The following FBXO10 variants were observed in gnomAD, a reference collection of about 807,000 sequenced individuals.
FBXO10 encodes F-box only protein 10.
In FBXO10, 39 loss-of-function variants were observed where a neutral mutation model predicts 80.7. The ratio of observed to expected loss-of-function variants is 0.48; its 90% CI spans 0.37 to 0.63. FBXO10 has a LOEUF of 0.63. FBXO10 is among the 30% of genes least tolerant of loss of function. The pLI is 0.00. For synonymous variants in FBXO10, 449 were observed against 489.6 expected (o/e 0.92, Z 1.09); for missense variants, 1,025 against 1,269.0 (o/e 0.81, Z 2.92).
intron 1 of FBXO10, among the ~76,000 whole-genome samples, chr9:37,575,155 C>G (rs752513174): frequency 6.6e-6 from 1 of 151,966 alleles, no homozygotes; most frequent in Admixed American, 6.6e-5. Context: ...GGTGGCTACA[C>G]ATGCCTGGCA....
At chr9:37,531,838 T>G in intron 4 of FBXO10, 71 bp downstream of exon 4, 1 of 1,567,862 alleles carries the variant, frequency 6.4e-7, no homozygotes, top group Non-Finnish European at 8.8e-7. Flanking sequence ...GGGCAACGTG[T>G]ATTTAAATAT....
intron 1 of FBXO10, among the ~76,000 whole-genome samples, chr9:37,542,363 A>G (rs1320974799): frequency 2.0e-5 from 3 of 151,968 alleles, no homozygotes; most frequent in African/African-American, 7.2e-5. Flanking sequence ...TGAGAGGCTG[A>G]GACAGGTGGA....
chr9:37,529,062 C>G (rs1821548510), intron 5 of FBXO10, 62 bp downstream of exon 5: 1 of 1,602,482 alleles, frequency 6.2e-7, no homozygotes, highest in Non-Finnish European at 8.5e-7. Context: ...AGAGTGTTTT[C>G]AAATGGAGGA....
At chr9:37,529,058 T>G in intron 5 of FBXO10, 66 bp downstream of exon 5, 2 of 1,599,030 alleles carry the variant, frequency 1.3e-6, no homozygotes, top group Non-Finnish European at 1.7e-6. Context: ...GTAAAGAGTG[T>G]TTTCAAATGG....
intron 2 of FBXO10, among the ~76,000 whole-genome samples, chr9:37,540,600 T>G (rs1242891982): frequency 6.6e-6 from 1 of 152,206 alleles, no homozygotes. Context: ...TACCAACACC[T>G]GGATACCTGC....
chr9:37,540,323 G>A (rs187221200), intron 2 of FBXO10, among the ~76,000 whole-genome samples: 116 of 152,118 alleles, frequency 7.6e-4, no homozygotes, highest in Non-Finnish European at 1.3e-3. Flanking sequence ...GAGTAGCTGG[G>A]ATTACAGGCA....
At chr9:37,568,404 G>A (rs1216299294) in intron 1 of FBXO10, among the ~76,000 whole-genome samples, 4 of 151,984 alleles carry the variant, frequency 2.6e-5, no homozygotes, top group African/African-American at 7.3e-5. Context: ...CACCGTGCTG[G>A]CCAGGCTGGT....
Position 37,512,426 on chromosome 9 carries a change from G to C in FBXO10, c.*121C>G. 1 of 1,054,270 alleles carries C rather than the reference G, an allele frequency of 9.5e-7. No individual in the cohort carries two copies. Among genetic ancestry groups the C allele is most frequent in the Non-Finnish European group, 1.4e-6 (1 of 728,762 alleles). 65.3% of individuals were successfully genotyped at this position (1,054,270 alleles called of 1,614,324 possible). A position where few individuals can be genotyped will look rare whatever the true frequency, so the allele number is the denominator to read the frequency against. ...AAGTGTTCTGGAGGTACCGTGTTTTGGAGGCCCGGGACCCATTTGTTCGAG... is the reference window on the plus strand; with the variant it reads ...AAGTGTTCTGGAGGTACCGTGTTTTCGAGGCCCGGGACCCATTTGTTCGAG... On this transcript the variant is annotated 3_prime_UTR_variant, in exon 11 of 11. Coordinates refer to ENST00000432825, the MANE Select transcript of FBXO10 (RefSeq NM_012166.3).
chr9:37,526,479 T>A lies in FBXO10; in HGVS notation c.1707-1307A>T, dbSNP rs546792811. Among the ~76,000 whole-genome samples the A allele has an allele frequency of 5.9e-5, 9 of 152,340 alleles. No homozygotes were observed. In the South Asian group the frequency reaches 1.9e-3, roughly 32 times the overall value. On this transcript the variant is annotated intron_variant, in intron 5 of 10. Transcript: ENST00000432825. ...ATGATATTCCTCACCCAAAACTCTT[T>A]CATGGTTCCCCAGCATCCCCAAGGT...
chr9:37,521,942 C>T (rs1821358094), intron 7 of FBXO10, 104 bp from the exon 8 acceptor site: 1 of 1,327,220 alleles, frequency 7.5e-7, no homozygotes, highest in East Asian at 2.5e-5. Context: ...GGAGAGAGTC[C>T]CTGCCTTGCT....
intron 1 of FBXO10, among the ~76,000 whole-genome samples, chr9:37,553,813 G>A (rs1400752451): frequency 1.3e-5 from 2 of 151,242 alleles, no homozygotes; most frequent in Non-Finnish European, 2.9e-5. Flanking sequence ...TACTTAGGGA[G>A]GCTGAGGCAG....
chr9:37,574,616 G>C (rs369486701), intron 1 of FBXO10, among the ~76,000 whole-genome samples: 2 of 152,210 alleles, frequency 1.3e-5, no homozygotes, highest in Non-Finnish European at 2.9e-5. Context: ...GCTCCAGCAA[G>C]GGCTCTGGAA....
Position 37,546,971 on chromosome 9 carries a change from G to A in FBXO10, c.-6-5197C>T, listed in dbSNP as rs778283740. ...GCTGGGATTACAGGCATGAGCCACCGCACCTGGCCTTAGAATCACTTTAGA... is the reference window on the plus strand; with the variant it reads ...GCTGGGATTACAGGCATGAGCCACCACACCTGGCCTTAGAATCACTTTAGA... On this transcript the variant is annotated intron_variant, in intron 1 of 10. Coordinates refer to ENST00000432825, the MANE Select transcript of FBXO10 (RefSeq NM_012166.3). 9.9e-5 allele frequency among the ~76,000 whole-genome samples: 15 copies of A among 152,222 alleles called. 2 individuals are homozygous for A. In the South Asian group the frequency reaches 1.9e-3, roughly 19 times the overall value.
chr9:37,537,742 A>T lies in FBXO10; in HGVS notation c.787T>A (p.Ser263Thr). 2 of 1,614,044 alleles carry T rather than the reference A, an allele frequency of 1.2e-6. No homozygotes were observed. Among genetic ancestry groups the T allele is most frequent in the Non-Finnish European group, 1.7e-6 (2 of 1,179,894 alleles). ...TTGTAGGCCCAGTTCTTATCTGCAGATGGGTGACCCTCAACAGTCACAGAG... is the reference window on the plus strand; with the variant it reads ...TTGTAGGCCCAGTTCTTATCTGCAGTTGGGTGACCCTCAACAGTCACAGAG... ...NNSVTVEGHP[S>T]ADKNWAYKYL... Residue 263 changes from serine to threonine, a missense_variant, in exon 3 of 11, where the codon TCT becomes ACT. Ser to Thr is a moderately conservative substitution (Grantham distance 58). This residue lies in a region of FBXO10 where 450 missense variants were observed against 499.4 expected (regional missense o/e 0.90). Coordinates refer to ENST00000432825, the MANE Select transcript of FBXO10 (RefSeq NM_012166.3).
intron 4 of FBXO10, among the ~76,000 whole-genome samples, 160 bp downstream of exon 4, chr9:37,531,745 CACAG>C (rs770232533): frequency 1.3e-4 from 20 of 152,302 alleles, no homozygotes; most frequent in Non-Finnish European, 2.2e-4. Flanking sequence ...ACTGCTAATA[CACAG>C]ACAGAGACAC....
rs1304201679 is a variant in FBXO10, at chr9:37,541,729, T to C, written c.40A>G (p.Ile14Val). The change falls in exon 2 of 11, where the codon ATC becomes GTC. Residue 14 changes from isoleucine (I) to valine (V), a missense_variant. By Grantham distance (29) the Ile-to-Val change is conservative (BLOSUM62 3). Transcript: ENST00000432825. ...TCGGGAAGGTGCAAGTAGGCTAAGA[T>C]CATGCGCCACAGCTCCAAGGGGAGG... is the stretch of plus-strand genomic sequence containing the variant. ...GGLPLELWRM[I>V]LAYLHLPDLG... The C allele has an allele frequency of 1.9e-6, 3 of 1,611,930 alleles. No homozygotes were observed. The highest frequency in any genetic ancestry group is 2.5e-6 in the Non-Finnish European group (3 of 1,178,736).
chr9:37,518,071 C>A, intron 9 of FBXO10, 54 bp downstream of exon 9: 1 of 1,545,392 alleles, frequency 6.5e-7, no homozygotes, highest in Admixed American at 1.8e-5. Context: ...AGGACTATCC[C>A]AGGGTTGTGC....
At chr9:37,514,523 T>C (rs1408872992) in intron 10 of FBXO10, among the ~76,000 whole-genome samples, 1 of 152,176 alleles carries the variant, frequency 6.6e-6, no homozygotes, top group Non-Finnish European at 1.5e-5. Flanking sequence ...ACTGCTAGAA[T>C]ACACATATAT....
intron 1 of FBXO10, among the ~76,000 whole-genome samples, chr9:37,574,359 T>C (rs2119213809): frequency 6.6e-6 from 1 of 152,346 alleles, no homozygotes; most frequent in Admixed American, 6.5e-5. Context: ...CATGGTGACC[T>C]GGTGACTGCT....
Sources: gnomAD v4.1 joint callset for allele counts (sites outside exome capture counted in the v4.1 genomes callset) on GRCh38, gnomAD v4.1.1 for gene constraint, gnomAD v4.1.1 regional missense constraint, MANE v1.5 for transcripts, NCBI Gene and HGNC (gene_info 2026-07-23, HGNC 2026-07-21) for gene names.